The following CHM variants were observed in gnomAD, a reference collection of about 807,000 sequenced individuals.
The protein encoded by CHM is rab proteins geranylgeranyltransferase component A 1.
In CHM, 10 loss-of-function variants were observed where a neutral mutation model predicts 49.0. That is an observed-to-expected ratio of 0.20 (90% confidence interval 0.13 to 0.35). The LOEUF is 0.35. CHM is among the 10% of genes least tolerant of loss of function. CHM has a pLI of 1.00. For synonymous variants in CHM, 184 were observed against 167.5 expected (o/e 1.10, Z -0.76); for missense variants, 455 against 478.4 (o/e 0.95, Z 0.46).
intron 2 of CHM, among the ~76,000 whole-genome samples, chrX:85,988,078 C>T (rs1030554913): frequency 1.8e-5 from 2 of 112,120 alleles, no homozygotes; most frequent in African/African-American, 6.5e-5. Context: ...GGCCAGTATC[C>T]TTGATTGAAT....
chrX:85,866,473 G>A (rs1245622049), intron 14 of CHM, among the ~76,000 whole-genome samples: 2 of 112,933 alleles, frequency 1.8e-5, no homozygotes, highest in East Asian at 5.6e-4. Flanking sequence ...GAGAACCTCT[G>A]CTAGGGCAGT....
chrX:85,867,161 G>C (rs1923752883), intron 14 of CHM, among the ~76,000 whole-genome samples: 1 of 111,791 alleles, frequency 8.9e-6, no homozygotes, highest in Non-Finnish European at 1.9e-5. Context: ...ACAAGTATTA[G>C]GGAGGGACTG....
At chrX:85,939,090 G>T (rs1037794119) in intron 8 of CHM, among the ~76,000 whole-genome samples, 8 of 111,973 alleles carry the variant, frequency 7.1e-5, no homozygotes, top group African/African-American at 2.6e-4. Flanking sequence ...CGCTGTACAG[G>T]TTTGTAGCCA....
chrX:85,921,124 T>C (rs1316871633), intron 8 of CHM, among the ~76,000 whole-genome samples: 1 of 112,153 alleles, frequency 8.9e-6, no homozygotes, highest in Non-Finnish European at 1.9e-5. Context: ...GTATAAAGTA[T>C]ACTGGTAAGC....
At chrX:86,006,323 A>G (rs1252625443) in intron 2 of CHM, among the ~76,000 whole-genome samples, 1 of 111,761 alleles carries the variant, frequency 8.9e-6, no homozygotes, top group Non-Finnish European at 1.9e-5. Context: ...ACGGGCACAA[A>G]CTGGAAGCAT....
chrX:86,038,278 G>A (rs1313619331), intron 1 of CHM, among the ~76,000 whole-genome samples: 1 of 111,808 alleles, frequency 8.9e-6, no homozygotes, highest in Non-Finnish European at 1.9e-5. Context: ...TGAGACAAAT[G>A]CGTATCTGAT....
At position 85,894,236 on chromosome X, in the gene CHM, G is replaced by A. The variant is rs1460971688; in HGVS notation, c.1462C>T (p.Arg488Trp). ...GTTGAAGAACATAACTCAATGACCC[G>A]AACAGCAAAAGTTCCTGGTTCCTCT... ...PAEEPGTFAV[R>W]VIELCSSTMT... Residue 488 changes from arginine (R) to tryptophan (W), a missense_variant, in exon 12 of 15, where the codon CGG becomes TGG. Physicochemically the swap from Arg to Trp is moderately radical, Grantham distance 101. Coordinates refer to ENST00000357749, the MANE Select transcript of CHM (RefSeq NM_000390.4). The A allele has an allele frequency of 5.0e-6, 6 of 1,208,511 alleles. No homozygotes were observed. Among genetic ancestry groups the A allele is most frequent in the Non-Finnish European group, 5.6e-6 (5 of 894,436 alleles).
At chrX:86,022,808 A>G (rs1231462741) in intron 2 of CHM, among the ~76,000 whole-genome samples, 1 of 110,962 alleles carries the variant, frequency 9.0e-6, no homozygotes, top group Admixed American at 9.6e-5. Flanking sequence ...CAAACTCAAC[A>G]TCTTCAATTC....
intron 2 of CHM, among the ~76,000 whole-genome samples, 163 bp from the exon 3 acceptor site, chrX:85,981,972 G>A (rs1755984809): frequency 9.0e-6 from 1 of 111,311 alleles, no homozygotes; most frequent in Non-Finnish European, 1.9e-5. Context: ...TCACATAAGT[G>A]GAAGTGGTAG....
intron 2 of CHM, among the ~76,000 whole-genome samples, chrX:86,024,549 GATAA>G (rs1407978158): frequency 8.9e-6 from 1 of 112,043 alleles, no homozygotes; most frequent in Non-Finnish European, 1.9e-5. Context: ...GTGGCAGTGT[GATAA>G]ATAAACTAGA....
chrX:85,897,916 A>G (rs1169472654), intron 11 of CHM, among the ~76,000 whole-genome samples: 2 of 111,296 alleles, frequency 1.8e-5, no homozygotes, highest in Non-Finnish European at 3.8e-5. Context: ...GTGTCAGACA[A>G]AGAGCAATTC....
At chrX:85,896,693 G>A (rs1436610633) in intron 11 of CHM, among the ~76,000 whole-genome samples, 2 of 107,473 alleles carry the variant, frequency 1.9e-5, no homozygotes, top group African/African-American at 6.8e-5. Flanking sequence ...AAATACTGAG[G>A]AGCCCTGATA....
intron 2 of CHM, among the ~76,000 whole-genome samples, chrX:86,024,074 C>T (rs778382145): frequency 4.1e-4 from 46 of 111,727 alleles, no homozygotes; most frequent in Middle Eastern, 4.7e-3. Context: ...AGTGGGACTT[C>T]CCTGAGGAGG....
At chrX:85,921,947 CAA>C (rs772800190) in intron 8 of CHM, among the ~76,000 whole-genome samples, 152 of 111,746 alleles carry the variant, frequency 1.4e-3, no homozygotes, top group African/African-American at 4.7e-3. Context: ...AAGGGGATCC[CAA>C]AAGTCTTTAC....
chrX:86,019,412 C>T (rs1188996641), intron 2 of CHM, among the ~76,000 whole-genome samples: 3 of 111,050 alleles, frequency 2.7e-5, no homozygotes, highest in Non-Finnish European at 5.7e-5. Flanking sequence ...TTAGAAAAAG[C>T]ACAAGAGGGA....
chrX:85,965,371 G>A (rs908037036), intron 4 of CHM, among the ~76,000 whole-genome samples: 2 of 111,757 alleles, frequency 1.8e-5, no homozygotes, highest in African/African-American at 3.3e-5. Context: ...TACCTTGCAT[G>A]TATTTATCCA....
chrX:85,876,721 G>A (rs1924439171), intron 13 of CHM, among the ~76,000 whole-genome samples: 2 of 111,419 alleles, frequency 1.8e-5, no homozygotes, highest in Admixed American at 1.9e-4. Context: ...TGCACCTGAG[G>A]ACCCTTCTGA....
intron 1 of CHM, among the ~76,000 whole-genome samples, chrX:86,042,117 A>G (rs1192009136): frequency 1.1e-4 from 12 of 111,040 alleles, no homozygotes; most frequent in African/African-American, 3.6e-4. Context: ...TTCCAACATC[A>G]TCATAAGTCA....
intron 2 of CHM, among the ~76,000 whole-genome samples, chrX:86,025,813 TGTCTC>T (rs1157922012): frequency 9.0e-6 from 1 of 111,148 alleles, no homozygotes; most frequent in African/African-American, 3.3e-5. Flanking sequence ...AATTACTTAA[TGTCTC>T]TATGTCCCAC....
Sources: allele counts gnomAD v4.1 joint callset (sites outside exome capture counted in the v4.1 genomes callset), GRCh38; gene constraint gnomAD v4.1.1; transcripts MANE v1.5; gene names NCBI Gene and HGNC (gene_info 2026-07-23, HGNC 2026-07-21).